TRIM9: variants seen among roughly 807,000 people sequenced by gnomAD.
TRIM9 encodes the protein E3 ubiquitin-protein ligase TRIM9.
In TRIM9, 26 loss-of-function variants were observed where a neutral mutation model predicts 78.3. The ratio of observed to expected loss-of-function variants is 0.33; its 90% CI spans 0.24 to 0.46. The LOEUF is 0.46. Among genes scored for constraint, TRIM9 ranks in the 20% least tolerant of loss-of-function variants. The pLI is 1.00. For missense variants in TRIM9, 787 were observed against 1,036.4 expected, an observed-to-expected ratio of 0.76 and a Z score of 3.30; for synonymous variants, 398 against 416.5, an observed-to-expected ratio of 0.96 and a Z score of 0.54.
intron 7 of TRIM9, among the ~76,000 whole-genome samples, chr14:50,994,234 C>T (rs867333458): frequency 3.9e-5 from 6 of 152,176 alleles, no homozygotes; most frequent in African/African-American, 1.2e-4. Flanking sequence ...AGCAAGACCA[C>T]ATCTCTACAA....
At chr14:51,057,754 G>A (rs1330624026) in intron 1 of TRIM9, among the ~76,000 whole-genome samples, 1 of 152,060 alleles carries the variant, frequency 6.6e-6, no homozygotes, top group Non-Finnish European at 1.5e-5. Flanking sequence ...TCTTTCTCTA[G>A]TAATGTAGCC....
intron 5 of TRIM9, among the ~76,000 whole-genome samples, chr14:51,007,061 G>A (rs1240326101): frequency 6.6e-6 from 1 of 152,128 alleles, no homozygotes; most frequent in Non-Finnish European, 1.5e-5. Context: ...AATGGGGGAG[G>A]AGAGGATTTT....
chr14:51,010,296 C>G, intron 4 of TRIM9, 88 bp downstream of exon 4: 1 of 1,036,298 alleles, frequency 9.6e-7, no homozygotes, highest in South Asian at 1.4e-5. Context: ...ACAGGCCCAC[C>G]CAGGGCTGTT....
intron 12 of TRIM9, chr14:50,978,973 G>C: frequency 8.9e-7 from 1 of 1,125,748 alleles, no homozygotes; most frequent in Non-Finnish European, 1.1e-6. Flanking sequence ...AAGATGCTCA[G>C]ATTTTCTGAT....
intron 1 of TRIM9, among the ~76,000 whole-genome samples, chr14:51,080,536 T>TA (rs34385335): frequency 0.036 from 5,339 of 150,088 alleles, 298 homozygotes; most frequent in African/African-American, 0.12. Flanking sequence ...ATGTAAATAA[T>TA]AAAAAAAAGG....
chr14:50,994,874 T>C (rs2053995627), intron 7 of TRIM9, among the ~76,000 whole-genome samples: 1 of 152,246 alleles, frequency 6.6e-6, no homozygotes, highest in South Asian at 2.1e-4. Flanking sequence ...CTTACAGTTA[T>C]ATTTCATCTT....
At chr14:51,065,079 T>C (rs758161802) in intron 1 of TRIM9, among the ~76,000 whole-genome samples, 2 of 152,112 alleles carry the variant, frequency 1.3e-5, no homozygotes, top group Non-Finnish European at 2.9e-5. Flanking sequence ...ATATTAACAA[T>C]ATAAAAAATA....
Position 51,070,809 on chromosome 14 carries a change from C to T in TRIM9, c.822+23309G>A, listed in dbSNP as rs144217800. Among the ~76,000 whole-genome samples the T allele has an allele frequency of 2.8e-3, 426 of 152,248 alleles. 3 individuals are homozygous for T. The highest frequency in any genetic ancestry group is 2.6e-3 in the Non-Finnish European group (178 of 68,008). ...TTTGTTTCTGAAGGTAAAAACTATT[C>T]CTGTTATTCCTGTGGACCAAATATG... On this transcript the variant is annotated intron_variant, in intron 1 of 12. Transcript: ENST00000684578.
chr14:51,083,632 A>G (rs1181376357), intron 1 of TRIM9, among the ~76,000 whole-genome samples: 1 of 149,406 alleles, frequency 6.7e-6, no homozygotes, highest in East Asian at 1.9e-4. Flanking sequence ...CTATTCAAAA[A>G]GTAAGAGAAG....
chr14:51,054,971 A>G (rs1271913391), intron 1 of TRIM9, among the ~76,000 whole-genome samples: 3 of 151,842 alleles, frequency 2.0e-5, no homozygotes, highest in Non-Finnish European at 2.9e-5. Flanking sequence ...CTGGGACAAC[A>G]AGCGCGCGCC....
Position 50,982,110 on chromosome 14 carries a change from A to T in TRIM9, c.1859-7T>A. ...TCGAAAGCAAACCAGGCCACTGGGAACAACAGAAGGGAATCAGGTTATTAA... is the reference window on the plus strand; with the variant it reads ...TCGAAAGCAAACCAGGCCACTGGGATCAACAGAAGGGAATCAGGTTATTAA... On this transcript the variant is annotated splice_polypyrimidine_tract_variant and splice_region_variant and intron_variant, in intron 10 of 12. Transcript: ENST00000684578. 1 of 1,613,364 alleles carries T rather than the reference A, an allele frequency of 6.2e-7. No individual in the cohort carries two copies. Among genetic ancestry groups the T allele is most frequent in the Non-Finnish European group, 8.5e-7 (1 of 1,179,374 alleles).
chr14:51,088,356 G>C (rs1346037194), intron 1 of TRIM9, among the ~76,000 whole-genome samples: 1 of 152,152 alleles, frequency 6.6e-6, no homozygotes, highest in Non-Finnish European at 1.5e-5. Context: ...TGTATACATA[G>C]GCATATTGAT....
rs1566537620 is a variant in TRIM9 at position 50,979,486 on chromosome 14, G to GT, written c.2225dup (p.Asn742LysfsTer9). The GT allele has an allele frequency of 6.2e-7, 1 of 1,614,162 alleles. No homozygotes were observed. Among genetic ancestry groups the GT allele is most frequent in the East Asian group, 2.2e-5 (1 of 44,878 alleles). ...GTTCATCGTTGATAAAAAATGTCAAGTTTTTTCTATTTAAGTCGAGGAGGA... is the reference window on the plus strand; with the variant it reads ...GTTCATCGTTGATAAAAAATGTCAAGTTTTTTTCTATTTAAGTCGAGGAGGA... On this transcript the variant is annotated frameshift_variant, in exon 12 of 13. Coordinates refer to ENST00000684578, the MANE Select transcript of TRIM9 (RefSeq NM_001387360.1). LOFTEE classifies it high-confidence loss of function.
chr14:51,038,478 C>T (rs191478979), intron 1 of TRIM9, among the ~76,000 whole-genome samples: 1 of 152,058 alleles, frequency 6.6e-6, no homozygotes, highest in African/African-American at 2.4e-5. Context: ...GATTGCTTCA[C>T]CTGATATTTT....
intron 1 of TRIM9, among the ~76,000 whole-genome samples, chr14:51,058,362 A>G (rs935596428): frequency 6.6e-6 from 1 of 152,216 alleles, no homozygotes; most frequent in African/African-American, 2.4e-5. Flanking sequence ...CTCTAACGAC[A>G]TTCTTGGTTG....
chr14:51,057,320 T>C (rs2060969733), intron 1 of TRIM9, among the ~76,000 whole-genome samples: 1 of 152,252 alleles, frequency 6.6e-6, no homozygotes, highest in Non-Finnish European at 1.5e-5. Flanking sequence ...ATGCTGCTTT[T>C]GTCTTCTAAA....
intron 2 of TRIM9, 122 bp from the exon 3 acceptor site, chr14:51,023,079 G>C: frequency 7.5e-7 from 1 of 1,329,888 alleles, no homozygotes; most frequent in Non-Finnish European, 1.0e-6. Context: ...ATGCACATTT[G>C]GTAATTTTAA....
At chr14:51,058,917 A>ATTCTTGCT (rs2061112346) in intron 1 of TRIM9, among the ~76,000 whole-genome samples, 1 of 152,198 alleles carries the variant, frequency 6.6e-6, no homozygotes. Context: ...AAGAATTCTC[A>ATTCTTGCT]TGTAATGTTT....
Position 50,975,722 on chromosome 14 carries a change from T to C in TRIM9, c.*1569A>G, listed in dbSNP as rs2051046684. The C allele has an allele frequency of 2.0e-5, 3 of 152,678 alleles. No individual in the cohort carries two copies. Among genetic ancestry groups the C allele is most frequent in the African/African-American group, 7.2e-5 (3 of 41,474 alleles). The allele number at this position is 152,678 out of a possible 1,614,324, so 9.5% of individuals were successfully genotyped here. ...TCTTCCCTTCTATTTGTTATTCTTG[T>C]TTTTTCATGGTGAATTTCTTGGCTC... On this transcript the variant is annotated 3_prime_UTR_variant, in exon 13 of 13. Transcript: ENST00000684578.
Sources: allele counts gnomAD v4.1 joint callset (sites outside exome capture counted in the v4.1 genomes callset), GRCh38; gene constraint gnomAD v4.1.1; transcripts MANE v1.5; gene names NCBI Gene and HGNC (gene_info 2026-07-23, HGNC 2026-07-21).